TAF4: variants seen among roughly 807,000 people sequenced by gnomAD.
TAF4 encodes transcription initiation factor TFIID subunit 4.
TAF4 carries 9 observed loss-of-function variants against 90.3 expected under a neutral mutation model. The ratio of observed to expected loss-of-function variants is 0.10; its 90% CI spans 0.06 to 0.17. The LOEUF (loss-of-function observed/expected upper bound fraction) is 0.17, where lower values mean the gene tolerates loss of function less well. Ranked by LOEUF, TAF4 falls within the 10% of genes least tolerant of loss-of-function variation. The probability of loss-of-function intolerance (pLI) is 1.00; values close to 1 mark genes in which losing one functional copy is unlikely to be tolerated. For synonymous variants in TAF4, 818 were observed against 638.9 expected, an observed-to-expected ratio of 1.28 and a Z score of -4.23; for missense variants, 1,351 against 1,370.7, an observed-to-expected ratio of 0.99 and a Z score of 0.23.
rs1002462487 is a variant in TAF4 at position 62,060,697 on chromosome 20, C to T, written c.1360+3754G>A. 3.5e-4 allele frequency among the ~76,000 whole-genome samples: 53 copies of T among 152,222 alleles called. 1 individual carries two copies. Among genetic ancestry groups the T allele is most frequent in the Non-Finnish European group, 1.8e-4 (12 of 68,042 alleles). Reference sequence around the variant, plus strand: ...CTACCTGAGTATGTCAAAAGAAACACCAGATTAAGGCCTCTAGCCTAAAGT... The same window carrying T: ...CTACCTGAGTATGTCAAAAGAAACATCAGATTAAGGCCTCTAGCCTAAAGT... On this transcript the variant is annotated intron_variant, in intron 1 of 14. Transcript: ENST00000252996.
chr20:62,065,424 C>A lies in TAF4; in HGVS notation c.387G>T (p.Pro129=), dbSNP rs1358189333. 2 of 972,820 alleles carry A rather than the reference C, an allele frequency of 2.1e-6. No individual in the cohort carries two copies. Among genetic ancestry groups the A allele is most frequent in the Non-Finnish European group, 1.2e-6 (1 of 823,870 alleles). 60.3% of individuals were successfully genotyped at this position (972,820 alleles called of 1,614,324 possible). The change falls in exon 1 of 15, where the codon CCG becomes CCT. Residue 129 remains proline, a synonymous_variant. Coordinates refer to ENST00000252996, the MANE Select transcript of TAF4 (RefSeq NM_003185.4). ...PAPPAAKLRP[P]PEGSAGSCAP... Reference sequence around the variant, plus strand: ...CGCAGGACCCCGCGCTGCCCTCGGGCGGCGGCCTCAGCTTCGCGGCGGGCG... The same window carrying A: ...CGCAGGACCCCGCGCTGCCCTCGGGAGGCGGCCTCAGCTTCGCGGCGGGCG...
rs752728466 is a variant in TAF4, at chr20:62,000,146, T to C, written c.2765A>G (p.Gln922Arg). ...TACCTTGTAAGAAAAGTTCTTCTGC[T>C]GAGCTGTTTCTGATATTTTCTCTAC... ...NLVEKISETA[Q>R]QKNFSYKDDD... Residue 922 changes from glutamine to arginine, a missense_variant, in exon 11 of 15, where the codon CAG (glutamine) becomes CGG (arginine). Physicochemically the swap from Gln to Arg is conservative, Grantham distance 43. Coordinates refer to ENST00000252996, the MANE Select transcript of TAF4 (RefSeq NM_003185.4). 4 of 1,614,264 alleles carry C rather than the reference T, an allele frequency of 2.5e-6. No homozygotes were observed. The highest frequency in any genetic ancestry group is 1.7e-6 in the Non-Finnish European group (2 of 1,180,036).
chr20:62,015,361 C>T (rs1250647989), intron 1 of TAF4, among the ~76,000 whole-genome samples: 1 of 152,272 alleles, frequency 6.6e-6, no homozygotes, highest in Non-Finnish European at 1.5e-5. Flanking sequence ...TCCTGCCATT[C>T]AGGTTTGGCA....
chr20:62,003,283 C>A lies in TAF4; in HGVS notation c.2372-9G>T. 6.2e-7 allele frequency: 1 copy of A among 1,608,466 alleles called. No homozygotes were observed. Among genetic ancestry groups the A allele is most frequent in the Non-Finnish European group, 8.5e-7 (1 of 1,174,900 alleles). On this transcript the variant is annotated splice_polypyrimidine_tract_variant and intron_variant, in intron 8 of 14. Coordinates refer to ENST00000252996, the MANE Select transcript of TAF4 (RefSeq NM_003185.4). ...GGGTTTCACCACAGGGACTACAAAA[C>A]AAACACACAGTGGAAACCACACAAG...
At chr20:62,002,211 G>C (rs7270471) in intron 9 of TAF4, among the ~76,000 whole-genome samples, 3,178 of 152,292 alleles carry the variant, frequency 0.021, 41 homozygotes, top group Middle Eastern at 0.054. Context: ...CGTCACGCTG[G>C]GCCCAGGCAT....
intron 14 of TAF4, among the ~76,000 whole-genome samples, chr20:61,992,971 C>A (rs947739034): frequency 6.6e-6 from 1 of 152,036 alleles, no homozygotes. Flanking sequence ...CACACTAAAA[C>A]GTAAAACTAC....
At position 62,006,232 on chromosome 20, in the gene TAF4, T is replaced by C; in HGVS notation, c.2223+278A>G. On this transcript the variant is annotated intron_variant, in intron 7 of 14. Coordinates refer to ENST00000252996, the MANE Select transcript of TAF4 (RefSeq NM_003185.4). The surrounding 1 kb of genome is among the most constrained non-coding windows in gnomAD (Gnocchi z 7.0). Reference sequence around the variant, plus strand: ...ATCCTCTAAAAGCACGCTGCATTCATTTACACCAGTAACATCCCCAGACAA... The same window carrying C: ...ATCCTCTAAAAGCACGCTGCATTCACTTACACCAGTAACATCCCCAGACAA... 1 of 342,432 alleles carries C rather than the reference T, an allele frequency of 2.9e-6. No individual in the cohort carries two copies. The highest frequency in any genetic ancestry group is 5.2e-6 in the Non-Finnish European group (1 of 193,510). 21.2% of individuals were successfully genotyped at this position (342,432 alleles called of 1,614,324 possible).
At chr20:62,041,329 G>A (rs1432452874) in intron 1 of TAF4, among the ~76,000 whole-genome samples, 2 of 152,140 alleles carry the variant, frequency 1.3e-5, no homozygotes, top group Non-Finnish European at 1.5e-5. Flanking sequence ...TTAAAGGAGA[G>A]CCCCTACCCT....
At chr20:62,037,303 A>G (rs926736543) in intron 1 of TAF4, 4 of 152,214 alleles carry the variant, frequency 2.6e-5, no homozygotes, top group Admixed American at 1.3e-4. Flanking sequence ...AGGTGCACAG[A>G]CCAGAAAAAA....
At chr20:62,003,295 G>A in intron 8 of TAF4, 21 bp from the exon 9 acceptor site, 1 of 1,587,056 alleles carries the variant, frequency 6.3e-7, no homozygotes, top group Non-Finnish European at 8.7e-7. Flanking sequence ...AACACACAGT[G>A]GAAACCACAC....
chr20:62,043,100 T>A (rs1408532470), intron 1 of TAF4, among the ~76,000 whole-genome samples: 2 of 152,164 alleles, frequency 1.3e-5, no homozygotes, highest in Non-Finnish European at 2.9e-5. Flanking sequence ...GACAGGCAGA[T>A]CGCTAGAGCC....
At chr20:62,063,492 G>A (rs573903042) in intron 1 of TAF4, among the ~76,000 whole-genome samples, 5 of 152,312 alleles carry the variant, frequency 3.3e-5, no homozygotes, top group African/African-American at 9.6e-5. Flanking sequence ...ATGCTGGCCA[G>A]GCAATCTTTC....
chr20:62,008,843 C>A (rs999094360), intron 5 of TAF4: 11 of 531,814 alleles, frequency 2.1e-5, no homozygotes, highest in Admixed American at 1.2e-4. Context: ...CAGGCGCCGG[C>A]CCCAGAACAC....
intron 14 of TAF4, among the ~76,000 whole-genome samples, chr20:61,983,231 G>A (rs575211884): frequency 1.5e-4 from 22 of 151,126 alleles, no homozygotes; most frequent in East Asian, 1.4e-3. Flanking sequence ...AGACCAGGGC[G>A]TCGTCACTAG....
chr20:61,998,927 A>C, intron 12 of TAF4, 56 bp downstream of exon 12: 2 of 1,595,964 alleles, frequency 1.3e-6, no homozygotes, highest in Non-Finnish European at 8.5e-7. Flanking sequence ...TGAGCTCATC[A>C]GGTTGTGGCT....
At chr20:61,985,559 G>A (rs1000310250) in intron 14 of TAF4, among the ~76,000 whole-genome samples, 46 of 152,056 alleles carry the variant, frequency 3.0e-4, no homozygotes, top group African/African-American at 1.1e-3. Flanking sequence ...ACTCCAGGTA[G>A]TTAGCACGTT....
chr20:62,009,305 G>A (rs1484756857), intron 4 of TAF4, 131 bp from the exon 5 acceptor site: 15 of 971,722 alleles, frequency 1.5e-5, no homozygotes, highest in Non-Finnish European at 2.0e-5. Flanking sequence ...TCAAGAAAAC[G>A]CACCACCTCT....
chr20:62,010,125 A>C lies in TAF4; in HGVS notation c.1682T>G (p.Leu561Arg). ...VLGGAAQTAS[L>R]GTATAVQTGT... ...CGTCTGAACAGCCGTCGCCGTCCCA[A>C]GTGAAGCCGTCTGGGCAGCGCCACC... Residue 561 changes from leucine (L) to arginine (R), a missense_variant, in exon 4 of 15, where the codon CTT becomes CGT. Around this residue, in one of 9 missense-constraint regions of TAF4, gnomAD observed 143 missense variants for 176.3 expected, o/e 0.81. Transcript: ENST00000252996. The surrounding 1 kb of genome is among the most constrained non-coding windows in gnomAD (Gnocchi z 4.5). The C allele has an allele frequency of 6.2e-7, 1 of 1,613,922 alleles. No individual in the cohort carries two copies. The highest frequency in any genetic ancestry group is 8.5e-7 in the Non-Finnish European group (1 of 1,180,010).
At chr20:61,997,375 A>C (rs2055669657) in intron 14 of TAF4, among the ~76,000 whole-genome samples, 175 bp downstream of exon 14, 1 of 152,256 alleles carries the variant, frequency 6.6e-6, no homozygotes. Context: ...AGCCACAAAT[A>C]AGCTGATTTG....
Sources: gnomAD v4.1 joint callset for allele counts (sites outside exome capture counted in the v4.1 genomes callset) on GRCh38, gnomAD v4.1.1 for gene constraint, gnomAD v4.1.1 regional missense constraint, Gnocchi (gnomAD v3.1) non-coding constraint, MANE v1.5 for transcripts, NCBI Gene and HGNC (gene_info 2026-07-23, HGNC 2026-07-21) for gene names.